Variants in FAM13A observed in about 807,000 individuals in gnomAD.
FAM13A encodes the protein family with sequence similarity 13 member A.
FAM13A carries 76 observed loss-of-function variants against 129.6 expected under a neutral mutation model. That is an observed-to-expected ratio of 0.59 (90% CI 0.49 to 0.71). FAM13A has a LOEUF of 0.71. Ranked by LOEUF, FAM13A falls within the 30% of genes least tolerant of loss-of-function variation. FAM13A has a pLI of 0.00. For synonymous variants in FAM13A, 443 were observed against 449.9 expected, an observed-to-expected ratio of 0.98 and a Z score of 0.20; for missense variants, 1,108 against 1,249.3, an observed-to-expected ratio of 0.89 and a Z score of 1.70.
intron 14 of FAM13A, among the ~76,000 whole-genome samples, chr4:88,751,712 T>C (rs1484908563): frequency 2.6e-5 from 4 of 152,084 alleles, no homozygotes; most frequent in African/African-American, 9.7e-5. Flanking sequence ...CTTACCTCAA[T>C]AGACTCCTTT....
At chr4:88,924,599 C>A (rs199697243) in intron 5 of FAM13A, among the ~76,000 whole-genome samples, 25,661 of 152,050 alleles carry the variant, frequency 0.17, 2,292 homozygotes, top group Non-Finnish European at 0.2. Flanking sequence ...ACCATAAAAA[C>A]CCTAGAAGAA....
In FAM13A at chr4:88,834,247, A is replaced by C. The variant is rs140567257; in HGVS notation, c.1007+16773T>G. ...AAATCCATTTCAGAAAATTAGACTC[A>C]GTGCATCAAATAATTGTTTGTATGT... On this transcript the variant is annotated intron_variant, in intron 7 of 23. Transcript: ENST00000264344. Among the ~76,000 whole-genome samples the C allele has an allele frequency of 7.2e-4, 109 of 151,186 alleles. 1 individual carries two copies. In the East Asian group the frequency reaches 9.5e-3, roughly 13 times the overall value.
intron 3 of FAM13A, among the ~76,000 whole-genome samples, chr4:88,996,324 G>T (rs147942070): frequency 2.0e-5 from 3 of 152,188 alleles, no homozygotes; most frequent in African/African-American, 7.2e-5. Flanking sequence ...GACTGTAGGG[G>T]CACAGTTGAA....
At chr4:88,967,528 G>A (rs1759511278) in intron 4 of FAM13A, among the ~76,000 whole-genome samples, 1 of 152,156 alleles carries the variant, frequency 6.6e-6, no homozygotes, top group Admixed American at 6.5e-5. Flanking sequence ...GTGGGTAGCT[G>A]CAAATATATT....
chr4:88,963,907 G>A (rs969758942), intron 4 of FAM13A, among the ~76,000 whole-genome samples: 4 of 152,160 alleles, frequency 2.6e-5, no homozygotes, highest in Non-Finnish European at 1.5e-5. Flanking sequence ...TGTCACTGAA[G>A]AAATGAATGT....
chr4:88,758,684 T>C (rs569953017), intron 14 of FAM13A, 70 bp downstream of exon 14: 1 of 1,452,478 alleles, frequency 6.9e-7, no homozygotes. Flanking sequence ...CATAGTTACA[T>C]GCCTCTCATT....
chr4:89,049,943 A>T (rs1278332465), intron 1 of FAM13A, among the ~76,000 whole-genome samples: 1 of 151,926 alleles, frequency 6.6e-6, no homozygotes, highest in East Asian at 1.9e-4. Flanking sequence ...CATTAATTTA[A>T]CAACTACTAC....
chr4:89,029,918 T>C (rs1393118454), intron 1 of FAM13A: 5 of 404,596 alleles, frequency 1.2e-5, no homozygotes, highest in Non-Finnish European at 8.7e-6. Context: ...CTAAGATATA[T>C]TACTACAGTA....
chr4:88,753,416 C>A (rs1743036503), intron 14 of FAM13A, among the ~76,000 whole-genome samples: 1 of 152,214 alleles, frequency 6.6e-6, no homozygotes, highest in African/African-American at 2.4e-5. Flanking sequence ...TTCCTAGCGT[C>A]TCCCATGGTA....
intron 13 of FAM13A, among the ~76,000 whole-genome samples, chr4:88,761,604 GC>G (rs1744830614): frequency 6.6e-6 from 1 of 152,100 alleles, no homozygotes; most frequent in Non-Finnish European, 1.5e-5. Flanking sequence ...AGCGTGGCAT[GC>G]TGGGCCACAG....
intron 8 of FAM13A, among the ~76,000 whole-genome samples, chr4:88,796,437 A>G (rs893309948): frequency 6.6e-6 from 1 of 152,022 alleles, no homozygotes; most frequent in African/African-American, 2.4e-5. Flanking sequence ...ATTATGCAAA[A>G]TTTCACATAT....
chr4:88,740,073 T>C (rs925211469), intron 19 of FAM13A, among the ~76,000 whole-genome samples: 13 of 152,192 alleles, frequency 8.5e-5, no homozygotes, highest in African/African-American at 3.1e-4. Context: ...CTCCCCATCA[T>C]ACTTCAAGCT....
intron 6 of FAM13A, among the ~76,000 whole-genome samples, chr4:88,877,451 C>T (rs1373945498): frequency 6.6e-6 from 1 of 151,934 alleles, no homozygotes; most frequent in Non-Finnish European, 1.5e-5. Context: ...TATTATGAAG[C>T]CTGAATTATT....
At chr4:88,836,066 G>T (rs1734754809) in intron 7 of FAM13A, among the ~76,000 whole-genome samples, 1 of 151,836 alleles carries the variant, frequency 6.6e-6, no homozygotes. Context: ...TAAAAATATA[G>T]ACAAGATTAA....
At chr4:88,919,678 G>T (rs1750688312) in intron 5 of FAM13A, among the ~76,000 whole-genome samples, 1 of 152,212 alleles carries the variant, frequency 6.6e-6, no homozygotes, top group African/African-American at 2.4e-5. Context: ...TCTCACTAGG[G>T]AGTGCCAGAC....
intron 13 of FAM13A, among the ~76,000 whole-genome samples, chr4:88,759,868 C>G (rs1226916234): frequency 2.0e-5 from 3 of 151,934 alleles, no homozygotes; most frequent in Non-Finnish European, 4.4e-5. Context: ...TTTTTTAAGC[C>G]TTGCTCTCTG....
intron 7 of FAM13A, among the ~76,000 whole-genome samples, chr4:88,846,732 T>C (rs1185054261): frequency 6.6e-6 from 1 of 152,206 alleles, no homozygotes; most frequent in Non-Finnish European, 1.5e-5. Flanking sequence ...TCAGTGACTT[T>C]TAGTAACTTT....
At chr4:88,845,630 C>T (rs183542565) in intron 7 of FAM13A, among the ~76,000 whole-genome samples, 4 of 152,200 alleles carry the variant, frequency 2.6e-5, no homozygotes. Context: ...AGATACATTC[C>T]TGGGGAAATC....
At chr4:88,730,267 C>T (rs1188859085) in intron 23 of FAM13A, among the ~76,000 whole-genome samples, 1 of 152,222 alleles carries the variant, frequency 6.6e-6, no homozygotes, top group Non-Finnish European at 1.5e-5. Flanking sequence ...GTTCTTTCCT[C>T]AGGCTCCTAC....
Sources: gnomAD v4.1 joint callset for allele counts (sites outside exome capture counted in the v4.1 genomes callset) on GRCh38, gnomAD v4.1.1 for gene constraint, MANE v1.5 for transcripts, NCBI Gene and HGNC (gene_info 2026-07-23, HGNC 2026-07-21) for gene names.